Variants in HS1BP3 observed in about 807,000 individuals in gnomAD.
HS1BP3 encodes HCLS1 binding protein 3.
HS1BP3 carries 32 observed loss-of-function variants against 33.5 expected under a neutral mutation model. That is an observed-to-expected ratio of 0.95 (90% CI 0.72 to 1.28). The LOEUF (loss-of-function observed/expected upper bound fraction) is 1.28. HS1BP3 is among the 50% of genes most tolerant of loss of function. The pLI is 0.00. For missense variants in HS1BP3, 486 were observed against 502.3 expected (o/e 0.97, Z 0.31); for synonymous variants, 187 against 209.2 (o/e 0.89, Z 0.92).
At position 20,633,984 on chromosome 2, in the gene HS1BP3, C is replaced by T. The variant is rs570197041; in HGVS notation, c.623+4452G>A. Reference sequence around the variant, plus strand: ...CTTTGGGTCCCCAGCCAGGCCAGGGCTAAGTGCTGCACAGGTGCAGGGTGA... The same window carrying T: ...CTTTGGGTCCCCAGCCAGGCCAGGGTTAAGTGCTGCACAGGTGCAGGGTGA... On this transcript the variant is annotated intron_variant, in intron 4 of 6. Transcript: ENST00000304031. 1.4e-3 allele frequency among the ~76,000 whole-genome samples: 209 copies of T among 152,240 alleles called. 1 individual carries two copies. Among genetic ancestry groups the T allele is most frequent in the Middle Eastern group, 3.2e-3 (1 of 316 alleles).
intron 4 of HS1BP3, 105 bp downstream of exon 4, chr2:20,638,331 G>T: frequency 3.5e-6 from 4 of 1,155,536 alleles, no homozygotes; most frequent in Non-Finnish European, 3.7e-6. Flanking sequence ...GCGAGGGGGC[G>T]ACCTGGGATG....
chr2:20,579,455 G>C (rs1186161434), intron 5 of HS1BP3, among the ~76,000 whole-genome samples: 1 of 152,236 alleles, frequency 6.6e-6, no homozygotes, highest in Non-Finnish European at 1.5e-5. Flanking sequence ...AACAAAGCTG[G>C]GCCCAGGAGA....
chr2:20,622,038 G>C, intron 6 of HS1BP3: 2 of 456,888 alleles, frequency 4.4e-6, no homozygotes, highest in Non-Finnish European at 7.1e-6. Context: ...TAAACATCTA[G>C]ACTAGAGGCC....
intron 3 of HS1BP3, among the ~76,000 whole-genome samples, chr2:20,595,422 C>T (rs1000829): frequency 0.031 from 4,790 of 152,284 alleles, 249 homozygotes; most frequent in African/African-American, 0.11. Flanking sequence ...TCATCCTCCT[C>T]CTCCTCACAG....
chr2:20,589,069 T>G (rs1222517326), downstream of HS1BP3, among the ~76,000 whole-genome samples: 3 of 152,206 alleles, frequency 2.0e-5, no homozygotes, highest in Admixed American at 2.0e-4. Context: ...TCAAACTGTC[T>G]CTCCTTTCTG....
chr2:20,603,217 T>C (rs1442948238), intron 2 of HS1BP3, among the ~76,000 whole-genome samples: 2 of 152,264 alleles, frequency 1.3e-5, no homozygotes, highest in Admixed American at 6.5e-5. Context: ...CCAGCAATTC[T>C]ACTGTTAGGT....
intron 4 of HS1BP3, chr2:20,638,152 C>T (rs886927108): frequency 8.7e-6 from 5 of 572,984 alleles, no homozygotes; most frequent in South Asian, 2.3e-5. Flanking sequence ...TGAGCTGTCA[C>T]GGAGGACTCT....
chr2:20,577,953 C>T (rs951667740), intron 5 of HS1BP3, among the ~76,000 whole-genome samples: 1 of 152,252 alleles, frequency 6.6e-6, no homozygotes, highest in African/African-American at 2.4e-5. Context: ...CAAGCCTGTC[C>T]AGTGTGACTT....
At chr2:20,557,907 C>T (rs554830456), downstream of HS1BP3, among the ~76,000 whole-genome samples, 1 of 152,318 alleles carries the variant, frequency 6.6e-6, no homozygotes, top group Non-Finnish European at 1.5e-5. Context: ...AAGTGAGCCC[C>T]AGGCCTCTTG....
At chr2:20,603,980 C>T (rs1049321904) in intron 2 of HS1BP3, among the ~76,000 whole-genome samples, 3 of 152,200 alleles carry the variant, frequency 2.0e-5, no homozygotes, top group African/African-American at 4.8e-5. Context: ...TGCTGGAGCT[C>T]GGTAGGAGCC....
chr2:20,648,801 T>C (rs1695595631), intron 1 of HS1BP3, among the ~76,000 whole-genome samples: 1 of 151,934 alleles, frequency 6.6e-6, no homozygotes, highest in African/African-American at 2.4e-5. Context: ...TTCTCAAAAC[T>C]CACCTGTCTA....
At chr2:20,649,293 C>T (rs774721214) in intron 1 of HS1BP3, among the ~76,000 whole-genome samples, 2 of 152,244 alleles carry the variant, frequency 1.3e-5, no homozygotes, top group Non-Finnish European at 2.9e-5. Flanking sequence ...CTGGCTCCTG[C>T]TGTCCTGTCC....
chr2:20,564,934 G>A (rs12620906), intron 5 of HS1BP3, among the ~76,000 whole-genome samples: 151,758 of 152,344 alleles, frequency 1, 75,591 homozygotes, highest in Middle Eastern at 1. Flanking sequence ...GCCTCCCTTG[G>A]TCACTTCCTC....
downstream of HS1BP3, among the ~76,000 whole-genome samples, chr2:20,555,447 GC>G (rs1162712195): frequency 2.0e-5 from 3 of 152,160 alleles, no homozygotes; most frequent in Non-Finnish European, 4.4e-5. Flanking sequence ...TCAGAGTAAG[GC>G]CCTGGGTAAT....
At chr2:20,565,310 C>G (rs1438316551) in intron 5 of HS1BP3, among the ~76,000 whole-genome samples, 1 of 152,200 alleles carries the variant, frequency 6.6e-6, no homozygotes, top group African/African-American at 2.4e-5. Flanking sequence ...ACAGCCTGCT[C>G]TCACCCAAGA....
At position 20,583,048 on chromosome 2, in the gene HS1BP3, C is replaced by T. The variant is rs375080943; in HGVS notation, c.303-22533G>A. Among the ~76,000 whole-genome samples, 23 of 152,320 alleles carry T rather than the reference C, an allele frequency of 1.5e-4. No individual in the cohort carries two copies. In the South Asian group the frequency reaches 4.8e-3, roughly 32 times the overall value. On this transcript the variant is annotated intron_variant, in intron 5 of 5. Transcript: ENST00000446825. ...CTGAGAGCCCAAGCCCACCCTCCAC[C>T]CAGAACCAAGACCCTCAGCCACCCC... is the stretch of plus-strand genomic sequence containing the variant.
At chr2:20,577,310 G>A (rs1693424227) in intron 5 of HS1BP3, among the ~76,000 whole-genome samples, 1 of 152,140 alleles carries the variant, frequency 6.6e-6, no homozygotes, top group African/African-American at 2.4e-5. Flanking sequence ...TTCAGTCCCA[G>A]CCCAAACCCA....
downstream of HS1BP3, among the ~76,000 whole-genome samples, chr2:20,616,949 T>G (rs1408163693): frequency 6.6e-6 from 1 of 152,054 alleles, no homozygotes; most frequent in Admixed American, 6.5e-5. Context: ...CTGGGGGTCT[T>G]TGTGATGGTG....
intron 3 of HS1BP3, among the ~76,000 whole-genome samples, chr2:20,595,571 G>C (rs929701072): frequency 6.6e-6 from 1 of 152,222 alleles, no homozygotes; most frequent in Non-Finnish European, 1.5e-5. Flanking sequence ...GCCACAGCCC[G>C]TGCCTGCCTG....
Sources: gnomAD v4.1 joint callset for allele counts (sites outside exome capture counted in the v4.1 genomes callset) on GRCh38, gnomAD v4.1.1 for gene constraint, MANE v1.5 for transcripts, NCBI Gene and HGNC (gene_info 2026-07-23, HGNC 2026-07-21) for gene names.